Variants in FOXP1 observed in about 807,000 individuals in gnomAD.
FOXP1 encodes forkhead box P1.
In FOXP1, 15 loss-of-function variants were observed where a neutral mutation model predicts 98.2. The observed-to-expected ratio is 0.15, with a 90% CI of 0.10 to 0.24. The LOEUF is 0.24. Ranked by LOEUF, FOXP1 falls within the 10% of genes least tolerant of loss-of-function variation. The pLI is 1.00. For synonymous variants in FOXP1, 371 were observed against 314.5 expected, an observed-to-expected ratio of 1.18 and a Z score of -1.90; for missense variants, 633 against 848.5, an observed-to-expected ratio of 0.75 and a Z score of 3.15.
At chr3:71,555,510 A>C (rs2046061613) in intron 2 of FOXP1, among the ~76,000 whole-genome samples, 1 of 152,340 alleles carries the variant, frequency 6.6e-6, no homozygotes, top group South Asian at 2.1e-4. Flanking sequence ...ATGCTAACCC[A>C]GGAGTCACTG....
intron 5 of FOXP1, among the ~76,000 whole-genome samples, chr3:71,243,725 A>G (rs1408565257): frequency 4.6e-5 from 7 of 152,168 alleles, no homozygotes; most frequent in Admixed American, 4.6e-4. Context: ...AATATCCCTC[A>G]CCAAGGCTTA....
At position 71,084,409 on chromosome 3, in the gene FOXP1, T is replaced by C. The variant is rs542052543; in HGVS notation, c.282+28127A>G. ...CAATGATTCACTGATTCCTCACCCA[T>C]GGGTTTGTTTCTCATTTTTCCTGAA... On this transcript the variant is annotated intron_variant, in intron 7 of 20. Coordinates refer to ENST00000649528, the MANE Select transcript of FOXP1 (RefSeq NM_001349338.3). Among the ~76,000 whole-genome samples, 9 of 152,016 alleles carry C rather than the reference T, an allele frequency of 5.9e-5. No homozygotes were observed. In the South Asian group the frequency reaches 1.3e-3, roughly 21 times the overall value.
chr3:71,314,420 C>T (rs2074925869), intron 4 of FOXP1, among the ~76,000 whole-genome samples: 1 of 151,792 alleles, frequency 6.6e-6, no homozygotes, highest in Non-Finnish European at 1.5e-5. Flanking sequence ...CCCAGCTACT[C>T]GGGAGGCTGA....
At chr3:71,088,406 T>G (rs1214230353) in intron 7 of FOXP1, among the ~76,000 whole-genome samples, 1 of 151,934 alleles carries the variant, frequency 6.6e-6, no homozygotes, top group Admixed American at 6.5e-5. Context: ...TTTTGTTTTT[T>G]TTTTTTTGGC....
intron 13 of FOXP1, among the ~76,000 whole-genome samples, chr3:70,990,648 T>C (rs1036988176): frequency 1.1e-4 from 16 of 152,156 alleles, no homozygotes; most frequent in African/African-American, 3.9e-4. Context: ...AAAGAGAAAA[T>C]TTGTGTTGAA....
At chr3:71,048,873 T>C (rs1278125055) in intron 9 of FOXP1, among the ~76,000 whole-genome samples, 1 of 152,140 alleles carries the variant, frequency 6.6e-6, no homozygotes, top group Non-Finnish European at 1.5e-5. Context: ...TTTAAAAATT[T>C]TGTATTTATG....
chr3:71,105,217 T>C (rs1052409649), intron 7 of FOXP1, among the ~76,000 whole-genome samples: 4 of 152,132 alleles, frequency 2.6e-5, no homozygotes, highest in South Asian at 2.1e-4. Flanking sequence ...TTCTTTTTTT[T>C]TCCCCCTCTT....
intron 5 of FOXP1, among the ~76,000 whole-genome samples, chr3:71,273,002 T>C (rs1456282395): frequency 1.3e-5 from 2 of 152,176 alleles, no homozygotes; most frequent in African/African-American, 2.4e-5. Context: ...AACTTCTCAC[T>C]ATACATGAAT....
chr3:71,242,132 A>G (rs2067333632), intron 5 of FOXP1, among the ~76,000 whole-genome samples: 1 of 152,226 alleles, frequency 6.6e-6, no homozygotes, highest in Admixed American at 6.5e-5. Flanking sequence ...CAGCAATGAT[A>G]ACAATGCAGG....
chr3:71,024,521 C>G (rs2045865075), intron 11 of FOXP1, among the ~76,000 whole-genome samples: 1 of 152,298 alleles, frequency 6.6e-6, no homozygotes, highest in African/African-American at 2.4e-5. Context: ...ATGGAGTTCT[C>G]TACAAACTGT....
chr3:71,183,331 T>C (rs1448007754), intron 6 of FOXP1, among the ~76,000 whole-genome samples: 1 of 151,824 alleles, frequency 6.6e-6, no homozygotes, highest in Non-Finnish European at 1.5e-5. Flanking sequence ...CTGTCTCTAC[T>C]AAAAATACAA....
At chr3:71,505,403 A>G (rs1393460419) in intron 2 of FOXP1, among the ~76,000 whole-genome samples, 2 of 143,994 alleles carry the variant, frequency 1.4e-5, no homozygotes, top group African/African-American at 5.1e-5. Flanking sequence ...ATTGGACTGT[A>G]GAAGAGGGAT....
chr3:71,162,522 A>G (rs1404540506), intron 6 of FOXP1, among the ~76,000 whole-genome samples: 5 of 152,226 alleles, frequency 3.3e-5, no homozygotes, highest in Non-Finnish European at 7.3e-5. Flanking sequence ...ATTCCAATCC[A>G]ATATCTATTG....
At chr3:71,200,935 G>A (rs1210701916) in intron 5 of FOXP1, among the ~76,000 whole-genome samples, 1 of 152,148 alleles carries the variant, frequency 6.6e-6, no homozygotes, top group Non-Finnish European at 1.5e-5. Context: ...GATCCAACTT[G>A]ATACAGACTC....
Position 71,581,561 on chromosome 3 carries a change from G to A in FOXP1, c.-310C>T. ...CGCCTCGACTTACCCGCGGAGTCCG[G>A]GGAGGGAGTAGGAGCGCCGCCTTCA... On this transcript the variant is annotated 5_prime_UTR_variant, in exon 2 of 21. Coordinates refer to ENST00000649528, the MANE Select transcript of FOXP1 (RefSeq NM_001349338.3). The A allele has an allele frequency of 1.0e-6, 1 of 985,480 alleles. No individual in the cohort carries two copies. The highest frequency in any genetic ancestry group is 1.2e-6 in the Non-Finnish European group (1 of 829,992). 61.0% of individuals were successfully genotyped at this position (985,480 alleles called of 1,614,324 possible).
chr3:71,200,104 A>AC (rs1194833345), intron 5 of FOXP1, among the ~76,000 whole-genome samples: 2 of 151,386 alleles, frequency 1.3e-5, no homozygotes, highest in African/African-American at 4.8e-5. Context: ...AAAAAAAAAA[A>AC]AGAGAGAAAA....
chr3:71,358,844 C>A (rs1347066298), intron 4 of FOXP1, among the ~76,000 whole-genome samples: 1 of 152,020 alleles, frequency 6.6e-6, no homozygotes, highest in Non-Finnish European at 1.5e-5. Flanking sequence ...TGACTAGTTG[C>A]AAAAAAGACT....
At chr3:71,114,371 A>G (rs2058194601) in intron 6 of FOXP1, among the ~76,000 whole-genome samples, 1 of 152,240 alleles carries the variant, frequency 6.6e-6, no homozygotes, top group South Asian at 2.1e-4. Context: ...TCATGAGCAG[A>G]CACGTAAAAA....
intron 7 of FOXP1, among the ~76,000 whole-genome samples, chr3:71,094,263 C>T (rs1047955580): frequency 2.0e-5 from 3 of 151,590 alleles, no homozygotes; most frequent in African/African-American, 4.8e-5. Flanking sequence ...CATATAATTC[C>T]CTTTTTTTTC....
Sources: allele counts gnomAD v4.1 joint callset (sites outside exome capture counted in the v4.1 genomes callset), GRCh38; gene constraint gnomAD v4.1.1; transcripts MANE v1.5; gene names NCBI Gene and HGNC (gene_info 2026-07-23, HGNC 2026-07-21).